Variants in PDE4B observed in about 807,000 individuals in gnomAD.
The protein encoded by PDE4B is 3',5'-cyclic-AMP phosphodiesterase 4B.
In PDE4B, 20 loss-of-function variants were observed where a neutral mutation model predicts 82.2. The observed-to-expected ratio is 0.24, with a 90% CI of 0.17 to 0.35. The LOEUF (loss-of-function observed/expected upper bound fraction) is 0.35, where lower values mean the gene tolerates loss of function less well. Ranked by LOEUF, PDE4B falls within the 10% of genes least tolerant of loss-of-function variation. The pLI, the probability that PDE4B is intolerant of heterozygous loss-of-function variation, is 1.00. For synonymous variants in PDE4B, 320 were observed against 318.9 expected, an observed-to-expected ratio of 1.00 and a Z score of -0.04; for missense variants, 655 against 907.2, an observed-to-expected ratio of 0.72 and a Z score of 3.57.
chr1:66,024,238 T>A (rs1242671370), intron 3 of PDE4B, among the ~76,000 whole-genome samples: 1 of 152,144 alleles, frequency 6.6e-6, no homozygotes, highest in Non-Finnish European at 1.5e-5. Context: ...TTTGATAGTA[T>A]TCAGTAGGTC....
intron 3 of PDE4B, among the ~76,000 whole-genome samples, chr1:66,141,318 A>G (rs1646164849): frequency 8.2e-6 from 1 of 122,536 alleles, no homozygotes; most frequent in East Asian, 2.5e-4. Flanking sequence ...GCAGATAGAA[A>G]GCTTTGAGAA....
At chr1:65,956,310 A>G (rs1649257395) in intron 3 of PDE4B, among the ~76,000 whole-genome samples, 1 of 152,142 alleles carries the variant, frequency 6.6e-6, no homozygotes, top group Non-Finnish European at 1.5e-5. Context: ...GTTTTAATTC[A>G]GGAAACAAAA....
intron 3 of PDE4B, among the ~76,000 whole-genome samples, chr1:66,085,290 G>C (rs1656949386): frequency 6.6e-6 from 1 of 152,146 alleles, no homozygotes; most frequent in Non-Finnish European, 1.5e-5. Flanking sequence ...ACAGGTTTGA[G>C]ATATAAGTAT....
chr1:66,071,608 T>C (rs932546973), intron 3 of PDE4B, among the ~76,000 whole-genome samples: 5 of 152,106 alleles, frequency 3.3e-5, no homozygotes, highest in Non-Finnish European at 7.4e-5. Flanking sequence ...TGAATTACCT[T>C]TTTTGAGAAT....
chr1:66,349,237 A>G (rs1448901903), intron 8 of PDE4B, among the ~76,000 whole-genome samples: 1 of 152,190 alleles, frequency 6.6e-6, no homozygotes, highest in African/African-American at 2.4e-5. Flanking sequence ...TCACTTGAGC[A>G]GAGACTTGTC....
chr1:65,884,599 A>C (rs1468665182), intron 1 of PDE4B, among the ~76,000 whole-genome samples: 1 of 152,194 alleles, frequency 6.6e-6, no homozygotes, highest in African/African-American at 2.4e-5. Context: ...GACAAAAACA[A>C]GGAATGGGGA....
intron 1 of PDE4B, among the ~76,000 whole-genome samples, chr1:65,881,103 C>G (rs1646703019): frequency 6.6e-6 from 1 of 152,144 alleles, no homozygotes; most frequent in African/African-American, 2.4e-5. Flanking sequence ...TTTCCATAAC[C>G]CTGCCTGTAC....
At chr1:65,981,979 T>G (rs1197295658) in intron 3 of PDE4B, among the ~76,000 whole-genome samples, 2 of 152,184 alleles carry the variant, frequency 1.3e-5, no homozygotes, top group East Asian at 3.8e-4. Flanking sequence ...CCACCCAGAC[T>G]GTGGTATTAC....
chr1:66,153,664 G>C (rs755919164), intron 3 of PDE4B, among the ~76,000 whole-genome samples: 1 of 152,198 alleles, frequency 6.6e-6, no homozygotes, highest in Non-Finnish European at 1.5e-5. Context: ...GCCCAGTGCG[G>C]AAGGCAGATA....
intron 3 of PDE4B, among the ~76,000 whole-genome samples, chr1:66,206,439 G>T (rs1649561272): frequency 6.6e-6 from 1 of 152,154 alleles, no homozygotes; most frequent in Non-Finnish European, 1.5e-5. Flanking sequence ...AAGATTAGAG[G>T]TAATCTGATA....
At chr1:66,204,679 T>G (rs1023244952) in intron 3 of PDE4B, among the ~76,000 whole-genome samples, 4 of 152,182 alleles carry the variant, frequency 2.6e-5, no homozygotes, top group Admixed American at 6.5e-5. Context: ...GGTGTGCCGT[T>G]TTTTAAGCCC....
intron 3 of PDE4B, among the ~76,000 whole-genome samples, chr1:66,179,859 C>T (rs963464843): frequency 7.9e-5 from 12 of 152,096 alleles, no homozygotes; most frequent in African/African-American, 2.4e-4. Flanking sequence ...TCCTTTCTTA[C>T]GAGTTCGGAA....
chr1:65,836,130 T>C (rs4655590), intron 1 of PDE4B, among the ~76,000 whole-genome samples: 149,319 of 152,122 alleles, frequency 0.98, 73,358 homozygotes, highest in Middle Eastern at 1. Context: ...TTAGTAGAGA[T>C]GGGATTTTAC....
intron 7 of PDE4B, among the ~76,000 whole-genome samples, chr1:66,293,827 T>A (rs1029221134): frequency 6.6e-6 from 1 of 152,200 alleles, no homozygotes; most frequent in African/African-American, 2.4e-5. Flanking sequence ...AGGCTAGGTA[T>A]GTGATTTTGT....
chr1:65,832,801 G>A (rs1256179003), intron 1 of PDE4B, among the ~76,000 whole-genome samples: 1 of 152,150 alleles, frequency 6.6e-6, no homozygotes, highest in Non-Finnish European at 1.5e-5. Flanking sequence ...GAGCATCAGA[G>A]TTTCATGTGG....
rs868662717 is a variant in PDE4B at position 65,875,799 on chromosome 1, G to A, written c.-70-37446G>A. On this transcript the variant is annotated intron_variant, in intron 1 of 16. Coordinates refer to ENST00000341517, the MANE Select transcript of PDE4B (RefSeq NM_002600.4). ...GGGAACATCACACTCTGGGGACTGT[G>A]GTGGGGTGGGGGGAGGGGGGAGGGA... Among the ~76,000 whole-genome samples the A allele has an allele frequency of 2.4e-5, 3 of 123,352 alleles. No individual in the cohort carries two copies. In the South Asian group the frequency reaches 9.2e-4, roughly 38 times the overall value. The allele number at this position is 123,352 out of a possible 152,430, so 80.9% of individuals were successfully genotyped here. A position where few individuals can be genotyped will look rare whatever the true frequency, so the allele number is the denominator to read the frequency against.
intron 6 of PDE4B, among the ~76,000 whole-genome samples, chr1:66,265,449 G>C (rs1018050285): frequency 6.6e-6 from 1 of 152,186 alleles, no homozygotes; most frequent in African/African-American, 2.4e-5. Context: ...TTTAACCCCT[G>C]ACATCAGCAG....
At chr1:65,823,100 T>A (rs1645972946) in intron 1 of PDE4B, among the ~76,000 whole-genome samples, 5 of 152,056 alleles carry the variant, frequency 3.3e-5, no homozygotes, top group Admixed American at 3.3e-4. Context: ...ATCTGCATTT[T>A]AAAAAATTCT....
At chr1:66,127,276 G>T (rs1222718613) in intron 3 of PDE4B, among the ~76,000 whole-genome samples, 1 of 151,954 alleles carries the variant, frequency 6.6e-6, no homozygotes, top group African/African-American at 2.4e-5. Flanking sequence ...AAGGATGAAT[G>T]GTACACAGCA....
Sources: allele counts gnomAD v4.1 joint callset (sites outside exome capture counted in the v4.1 genomes callset), GRCh38; gene constraint gnomAD v4.1.1; transcripts MANE v1.5; gene names NCBI Gene and HGNC (gene_info 2026-07-23, HGNC 2026-07-21).